RIMS1: variants seen among roughly 807,000 people sequenced by gnomAD.
RIMS1 encodes regulating synaptic membrane exocytosis 1, also known as regulating synaptic membrane exocytosis protein 1.
In RIMS1, 83 loss-of-function variants were observed where a neutral mutation model predicts 214.1. That is an observed-to-expected ratio of 0.39 (90% CI 0.32 to 0.47). The LOEUF (loss-of-function observed/expected upper bound fraction) is 0.47, where lower values mean the gene tolerates loss of function less well. Ranked by LOEUF, RIMS1 falls within the 20% of genes least tolerant of loss-of-function variation. RIMS1 has a pLI of 0.99. For synonymous variants in RIMS1, 793 were observed against 786.8 expected, an observed-to-expected ratio of 1.01 and a Z score of -0.13; for missense variants, 2,050 against 2,161.8, an observed-to-expected ratio of 0.95 and a Z score of 1.03.
chr6:72,065,937 A>G (rs2152275791), intron 2 of RIMS1, among the ~76,000 whole-genome samples: 1 of 152,284 alleles, frequency 6.6e-6, no homozygotes, highest in Non-Finnish European at 1.5e-5. Flanking sequence ...AAAAAAAAAA[A>G]AAAGGAATTT....
At chr6:72,212,329 A>G (rs2053964121) in intron 6 of RIMS1, among the ~76,000 whole-genome samples, 1 of 150,980 alleles carries the variant, frequency 6.6e-6, no homozygotes, top group Non-Finnish European at 1.5e-5. Flanking sequence ...TATATATAAT[A>G]TATAATATAT....
At chr6:72,043,291 G>T (rs1214056881) in intron 2 of RIMS1, among the ~76,000 whole-genome samples, 2 of 151,582 alleles carry the variant, frequency 1.3e-5, no homozygotes, top group Non-Finnish European at 3.0e-5. Context: ...AAAGAGAAAA[G>T]GTATGATAAA....
chr6:72,261,000 G>T (rs542643810), intron 19 of RIMS1: 2 of 1,306,950 alleles, frequency 1.5e-6, no homozygotes, highest in South Asian at 3.0e-5. Flanking sequence ...AGAGACTAGT[G>T]GGCCTCTCTG....
At chr6:72,129,599 T>C (rs2153837450) in intron 4 of RIMS1, among the ~76,000 whole-genome samples, 1 of 152,288 alleles carries the variant, frequency 6.6e-6, no homozygotes, top group East Asian at 1.9e-4. Context: ...GTTTATGTTT[T>C]CTTGCATATG....
intron 24 of RIMS1, among the ~76,000 whole-genome samples, chr6:72,285,201 C>T (rs2091873466): frequency 6.6e-6 from 1 of 152,150 alleles, no homozygotes; most frequent in African/African-American, 2.4e-5. Context: ...GTGCTTTAAA[C>T]ATGGGAGGCA....
At chr6:72,386,910 A>G (rs1011170508) in intron 29 of RIMS1, among the ~76,000 whole-genome samples, 3 of 151,134 alleles carry the variant, frequency 2.0e-5, no homozygotes, top group African/African-American at 7.3e-5. Flanking sequence ...ATTTTTTTGT[A>G]TTTTTAGTAG....
chr6:72,372,520 CA>C (rs199511299), intron 29 of RIMS1, among the ~76,000 whole-genome samples: 2,787 of 152,022 alleles, frequency 0.018, 66 homozygotes, highest in African/African-American at 0.062. Context: ...ATTTTCTTTC[CA>C]AAAAATGTGA....
chr6:72,281,466 A>G lies in RIMS1; in HGVS notation c.3483-2581A>G, dbSNP rs115581729. On this transcript the variant is annotated intron_variant, in intron 23 of 33. Transcript: ENST00000521978. Reference sequence around the variant, plus strand: ...AGTTTCACAGAGGAAATGAAATATCACTTGGGTCTAGAAATTAATAGAAGT... The same window carrying G: ...AGTTTCACAGAGGAAATGAAATATCGCTTGGGTCTAGAAATTAATAGAAGT... 7.3e-3 allele frequency among the ~76,000 whole-genome samples: 1,107 copies of G among 152,218 alleles called. 11 individuals carry two copies. The highest frequency in any genetic ancestry group is 0.024 in the African/African-American group (991 of 41,558).
rs949666266 is a variant in RIMS1 at position 72,245,799 on chromosome 6, A to G, written c.2082-16A>G. ...ATTTAACTAATGGGATTTTCACCAT[A>G]TCCTGTTTCTTTTAGTGACATTCCC... On this transcript the variant is annotated splice_polypyrimidine_tract_variant and intron_variant, in intron 10 of 33. Coordinates refer to ENST00000521978, the MANE Select transcript of RIMS1 (RefSeq NM_014989.7). 14 of 1,602,762 alleles carry G rather than the reference A, an allele frequency of 8.7e-6. No individual in the cohort carries two copies. In the African/African-American group the frequency reaches 9.4e-5, roughly 11 times the overall value.
intron 2 of RIMS1, among the ~76,000 whole-genome samples, chr6:72,064,331 AAG>A (rs56373385): frequency 0.4 from 54,712 of 136,794 alleles, 10,796 homozygotes; most frequent in South Asian, 0.48. Context: ...GAAAGAAAGA[AAG>A]AGAGAGAGAG....
intron 1 of RIMS1, among the ~76,000 whole-genome samples, chr6:71,910,818 G>T (rs372739612): frequency 6.6e-6 from 1 of 152,104 alleles, no homozygotes; most frequent in African/African-American, 2.4e-5. Context: ...CATTTACCCT[G>T]AGCCAAAGTT....
At chr6:71,934,339 A>T (rs919727751) in intron 1 of RIMS1, among the ~76,000 whole-genome samples, 17 of 152,202 alleles carry the variant, frequency 1.1e-4, no homozygotes, top group African/African-American at 3.6e-4. Flanking sequence ...TTAACACTGA[A>T]TATAGGTTGC....
In RIMS1 at chr6:72,190,609, C is replaced by A. The variant is rs1363963339; in HGVS notation, c.1678+7460C>A. 7.9e-5 allele frequency among the ~76,000 whole-genome samples: 12 copies of A among 152,036 alleles called. 1 individual carries two copies. The highest frequency in any genetic ancestry group is 2.7e-4 in the African/African-American group (11 of 41,404). On this transcript the variant is annotated intron_variant, in intron 6 of 33. Transcript: ENST00000521978. ...CTCTAGTCTCCTCTTCCTCTGTCAA[C>A]TGATTGTAGGAAACTCCTGATGAGA...
chr6:72,277,631 G>A (rs117563349), intron 23 of RIMS1, among the ~76,000 whole-genome samples: 11,177 of 151,500 alleles, frequency 0.074, 481 homozygotes, highest in Non-Finnish European at 0.1. Context: ...TTAAAACATT[G>A]ATGAAGAAAA....
At chr6:72,216,967 A>G in intron 6 of RIMS1, 1 of 1,367,782 alleles carries the variant, frequency 7.3e-7, no homozygotes, top group African/African-American at 1.5e-5. Flanking sequence ...TGTTTTGATG[A>G]CAGCAGCACT....
intron 1 of RIMS1, among the ~76,000 whole-genome samples, chr6:71,941,152 G>A (rs1490716391): frequency 3.3e-5 from 5 of 151,804 alleles, no homozygotes; most frequent in South Asian, 4.2e-4. Context: ...AGTACTCACC[G>A]AATAAACCTA....
At chr6:72,032,843 T>G (rs1229233498) in intron 2 of RIMS1, among the ~76,000 whole-genome samples, 1 of 152,150 alleles carries the variant, frequency 6.6e-6, no homozygotes, top group Non-Finnish European at 1.5e-5. Flanking sequence ...CAAATAGCAT[T>G]TGCCTTGTAG....
intron 6 of RIMS1, among the ~76,000 whole-genome samples, chr6:72,225,468 C>CT (rs1450232198): frequency 6.6e-6 from 1 of 152,070 alleles, no homozygotes; most frequent in Non-Finnish European, 1.5e-5. Context: ...TGCTGTTTTG[C>CT]TAGTATTGCC....
At chr6:72,122,732 C>T (rs2038667786) in intron 4 of RIMS1, among the ~76,000 whole-genome samples, 1 of 151,822 alleles carries the variant, frequency 6.6e-6, no homozygotes, top group East Asian at 1.9e-4. Flanking sequence ...GGAATTTACT[C>T]ATTTCTTCTA....
Sources: gnomAD v4.1 joint callset for allele counts (sites outside exome capture counted in the v4.1 genomes callset) on GRCh38, gnomAD v4.1.1 for gene constraint, MANE v1.5 for transcripts, NCBI Gene and HGNC (gene_info 2026-07-23, HGNC 2026-07-21) for gene names.